The following GRID2 variants were observed in gnomAD, a reference collection of about 807,000 sequenced individuals.
GRID2 encodes the protein glutamate ionotropic receptor delta type subunit 2.
A neutral mutation model predicts 114.8 loss-of-function variants in GRID2; 33 were observed. That is an observed-to-expected ratio of 0.29 (90% CI 0.22 to 0.38). The LOEUF is 0.38. GRID2 is among the 10% of genes least tolerant of loss of function. The pLI is 1.00. For missense variants in GRID2, 1,184 were observed against 1,257.7 expected (o/e 0.94, Z 0.89); for synonymous variants, 505 against 449.9 (o/e 1.12, Z -1.55).
chr4:92,553,806 A>G (rs1287334288), intron 1 of GRID2, among the ~76,000 whole-genome samples: 1 of 152,084 alleles, frequency 6.6e-6, no homozygotes, highest in South Asian at 2.1e-4. Context: ...ATGTGCTACC[A>G]TGCCTAACTA....
intron 1 of GRID2, among the ~76,000 whole-genome samples, chr4:92,440,235 G>A (rs1214285743): frequency 6.8e-6 from 1 of 146,172 alleles, no homozygotes; most frequent in African/African-American, 2.4e-5. Context: ...GGATATAAAG[G>A]TTTCACTGAA....
chr4:93,191,549 T>C (rs1740980562), intron 4 of GRID2, among the ~76,000 whole-genome samples: 1 of 152,162 alleles, frequency 6.6e-6, no homozygotes, highest in African/African-American at 2.4e-5. Flanking sequence ...TTATACAAAT[T>C]ATAAATTGTG....
In GRID2 at chr4:93,477,576, T is replaced by C. The variant is rs571630564; in HGVS notation, c.1859-13063T>C. ...GATAAAAGAACTTCTAATTTCAATG[T>C]CATTTCAGAATCTATAAAAAAGTAA... On this transcript the variant is annotated intron_variant, in intron 11 of 15. Transcript: ENST00000282020. Among the ~76,000 whole-genome samples, 32 of 152,282 alleles carry C rather than the reference T, an allele frequency of 2.1e-4. No homozygotes were observed. The South Asian group carries it at 6.0e-3, about 29-fold the overall frequency.
At chr4:92,640,498 A>G (rs538606009) in intron 2 of GRID2, among the ~76,000 whole-genome samples, 87 of 152,054 alleles carry the variant, frequency 5.7e-4, no homozygotes, top group African/African-American at 2.0e-3. Flanking sequence ...CTATAGATCT[A>G]GTTTGGAAAC....
intron 4 of GRID2, among the ~76,000 whole-genome samples, chr4:93,165,864 A>G (rs1246963591): frequency 6.6e-6 from 1 of 152,112 alleles, no homozygotes; most frequent in Non-Finnish European, 1.5e-5. Flanking sequence ...GCAGAAATTT[A>G]AACACTGAAA....
chr4:93,575,081 T>C (rs1198977863), intron 13 of GRID2, among the ~76,000 whole-genome samples: 2 of 152,158 alleles, frequency 1.3e-5, no homozygotes, highest in Non-Finnish European at 2.9e-5. Flanking sequence ...GAGAGCCTAT[T>C]CCAAGAGAAA....
chr4:92,664,416 C>T (rs576235163), intron 2 of GRID2, among the ~76,000 whole-genome samples: 5 of 150,970 alleles, frequency 3.3e-5, no homozygotes, highest in African/African-American at 9.7e-5. Flanking sequence ...TTTCTAAATT[C>T]ATCCTGTTGT....
chr4:92,616,420 G>A lies in GRID2; in HGVS notation c.244+26134G>A, dbSNP rs1447852368. ...CCTTTAAGTTTTTTTCTTTGGCCCT[G>A]TCTGTCAGTAGTTTGACTATGATCT... On this transcript the variant is annotated intron_variant, in intron 2 of 15. Transcript: ENST00000282020. Among the ~76,000 whole-genome samples the A allele has an allele frequency of 3.3e-5, 5 of 151,314 alleles. No individual in the cohort carries two copies. The East Asian group carries it at 9.8e-4, about 30-fold the overall frequency.
intron 4 of GRID2, among the ~76,000 whole-genome samples, chr4:93,133,322 T>C (rs530639689): frequency 6.6e-6 from 1 of 152,338 alleles, no homozygotes; most frequent in South Asian, 2.1e-4. Flanking sequence ...TTCCCAAGTG[T>C]CTTTTCAATC....
At chr4:92,422,185 G>A (rs1231343090) in intron 1 of GRID2, among the ~76,000 whole-genome samples, 11 of 152,048 alleles carry the variant, frequency 7.2e-5, no homozygotes, top group Non-Finnish European at 1.2e-4. Context: ...AGTACTGGCA[G>A]AGGGTAGGCA....
chr4:92,524,321 T>C (rs775724726), intron 1 of GRID2, among the ~76,000 whole-genome samples: 35 of 151,744 alleles, frequency 2.3e-4, no homozygotes, highest in Non-Finnish European at 5.0e-4. Context: ...TACAGGTCTA[T>C]AGGTCAGAAG....
intron 13 of GRID2, among the ~76,000 whole-genome samples, chr4:93,606,716 G>A (rs1740275251): frequency 6.6e-6 from 1 of 152,078 alleles, no homozygotes; most frequent in South Asian, 2.1e-4. Context: ...TTAAAGTTAA[G>A]GTGTGTCAAT....
chr4:93,633,259 AT>A (rs1425222155), intron 14 of GRID2, among the ~76,000 whole-genome samples: 3 of 151,790 alleles, frequency 2.0e-5, no homozygotes, highest in South Asian at 2.1e-4. Context: ...AACTATAAGA[AT>A]TTTTTTCCTA....
intron 13 of GRID2, among the ~76,000 whole-genome samples, chr4:93,555,234 G>A (rs1323887500): frequency 6.6e-6 from 1 of 152,118 alleles, no homozygotes; most frequent in African/African-American, 2.4e-5. Flanking sequence ...TACCCCAGTG[G>A]CAACTGGAAT....
At chr4:93,592,057 T>C (rs1738401557) in intron 13 of GRID2, among the ~76,000 whole-genome samples, 1 of 152,220 alleles carries the variant, frequency 6.6e-6, no homozygotes, top group African/African-American at 2.4e-5. Context: ...TCTATTTCCT[T>C]CAGTTCTGCT....
chr4:92,789,684 C>A (rs2149363509), intron 2 of GRID2, among the ~76,000 whole-genome samples: 1 of 151,944 alleles, frequency 6.6e-6, no homozygotes, highest in East Asian at 1.9e-4. Flanking sequence ...TTTAAAATTT[C>A]AATCTATTTA....
At chr4:92,708,380 A>G (rs1313380113) in intron 2 of GRID2, among the ~76,000 whole-genome samples, 6 of 152,266 alleles carry the variant, frequency 3.9e-5, no homozygotes, top group Middle Eastern at 3.4e-3. Context: ...AACTGCTTCA[A>G]TTTCTGTCGT....
rs370176312 is a variant in GRID2 at position 92,628,911 on chromosome 4, CT to C, written c.244+38628del. On this transcript the variant is annotated intron_variant, in intron 2 of 15. Transcript: ENST00000282020. The stretch of plus-strand genomic sequence containing the variant: ...TTTAATCATTTTCCTTTCACTTTTT[CT>C]TTGTGTGTTAGAATTTTATTTTGTG... Among the ~76,000 whole-genome samples the C allele has an allele frequency of 6.4e-3, 968 of 151,724 alleles. 10 individuals are homozygous for C. Among genetic ancestry groups the C allele is most frequent in the African/African-American group, 0.022 (914 of 41,354 alleles).
At chr4:92,713,398 G>A (rs1735356533) in intron 2 of GRID2, among the ~76,000 whole-genome samples, 1 of 148,878 alleles carries the variant, frequency 6.7e-6, no homozygotes, top group Non-Finnish European at 1.5e-5. Flanking sequence ...CTCTCTCTGA[G>A]TGGGTTATAT....
Sources: allele counts gnomAD v4.1 joint callset (sites outside exome capture counted in the v4.1 genomes callset), GRCh38; gene constraint gnomAD v4.1.1; transcripts MANE v1.5; gene names NCBI Gene and HGNC (gene_info 2026-07-23, HGNC 2026-07-21).